ANAPC11: variants seen among roughly 807,000 people sequenced by gnomAD.
ANAPC11 encodes the protein anaphase promoting complex subunit 11, also known as anaphase-promoting complex subunit 11.
A neutral mutation model predicts 11.8 loss-of-function variants in ANAPC11; 5 were observed. The observed-to-expected ratio is 0.42, with a 90% CI of 0.22 to 0.89. The LOEUF (loss-of-function observed/expected upper bound fraction) is 0.89, where lower values mean the gene tolerates loss of function less well. Among genes scored for constraint, ANAPC11 ranks in the 40% least tolerant of loss-of-function variants. ANAPC11 has a pLI of 0.28. For synonymous variants in ANAPC11, 45 were observed against 41.0 expected, an observed-to-expected ratio of 1.10 and a Z score of -0.38; for missense variants, 68 against 112.9, an observed-to-expected ratio of 0.60 and a Z score of 1.80.
At chr17:81,893,034 A>G (rs1489666480) in intron 1 of ANAPC11, 1 of 145,192 alleles carries the variant, frequency 6.9e-6, no homozygotes, top group African/African-American at 2.6e-5. Flanking sequence ...TTTTTGAGAC[A>G]GTCCCACTAT....
intron 1 of ANAPC11, among the ~76,000 whole-genome samples, chr17:81,892,585 C>T (rs1251988578): frequency 7.2e-6 from 1 of 138,600 alleles, no homozygotes; most frequent in Non-Finnish European, 1.5e-5. Context: ...TGCAGTGGGG[C>T]GATCTCGGCT....
intron 3 of ANAPC11, among the ~76,000 whole-genome samples, chr17:81,896,375 T>G (rs2039741793): frequency 6.6e-6 from 1 of 151,908 alleles, no homozygotes; most frequent in African/African-American, 2.4e-5. Flanking sequence ...TGAGCCAAGA[T>G]CGCACCATTG....
Position 81,891,737 on chromosome 17 carries a change from G to A in ANAPC11, c.-179G>A. ...CGGGGAGGCGCGTGCGCACTGGCGTGCGAGACTCGGCGGGCGCTGTTGAGG... is the reference window on the plus strand; with the variant it reads ...CGGGGAGGCGCGTGCGCACTGGCGTACGAGACTCGGCGGGCGCTGTTGAGG... On this transcript the variant is annotated 5_prime_UTR_variant, in exon 1 of 4. Transcript: ENST00000344877. The A allele has an allele frequency of 3.7e-6, 2 of 540,168 alleles. No homozygotes were observed. Among genetic ancestry groups the A allele is most frequent in the South Asian group, 7.0e-5 (2 of 28,666 alleles). The allele number at this position is 540,168 out of a possible 1,614,324, so 33.5% of individuals were successfully genotyped here.
At chr17:81,890,990 G>T, upstream of ANAPC11, 1 of 1,003,982 alleles carries the variant, frequency 1.0e-6, no homozygotes, top group Non-Finnish European at 1.4e-6. Context: ...AGGCCGCACG[G>T]TCCCACCGCG....
rs559611585 is a variant in ANAPC11 at position 81,896,142 on chromosome 17, C to T, written c.109+1556C>T. Among the ~76,000 whole-genome samples, 20 of 152,090 alleles carry T rather than the reference C, an allele frequency of 1.3e-4. No homozygotes were observed. The East Asian group carries it at 3.7e-3, about 28-fold the overall frequency. ...CTACTAAAAATCCAAAAAAATTAGC[C>T]GGGCATGGTGGCAGGTGCCTGTAAT... On this transcript the variant is annotated intron_variant, in intron 3 of 3. Transcript: ENST00000344877.
intron 3 of ANAPC11, among the ~76,000 whole-genome samples, chr17:81,896,057 G>T (rs2039731622): frequency 6.6e-6 from 1 of 152,252 alleles, no homozygotes; most frequent in African/African-American, 2.4e-5. Context: ...GCCAAGGCAG[G>T]CGGATTGCTT....
chr17:81,891,323 C>T, upstream of ANAPC11: 1 of 1,160,850 alleles, frequency 8.6e-7, no homozygotes, highest in African/African-American at 1.6e-5. Flanking sequence ...CCGCACTCAC[C>T]CTGCTGTAGG....
chr17:81,890,834 C>A (rs375325115), upstream of ANAPC11: 6 of 1,614,084 alleles, frequency 3.7e-6, no homozygotes, highest in Admixed American at 1.7e-5. Flanking sequence ...AAAAAAAAAC[C>A]GCAACAAGAG....
Position 81,899,919 on chromosome 17 carries a change from G to A in ANAPC11, c.110-1G>A. 1 of 1,607,350 alleles carries A rather than the reference G, an allele frequency of 6.2e-7. No individual in the cohort carries two copies. The highest frequency in any genetic ancestry group is 8.5e-7 in the Non-Finnish European group (1 of 1,175,532). On this transcript the variant is annotated splice_acceptor_variant, in intron 3 of 3. Transcript: ENST00000344877. LOFTEE classifies it high-confidence loss of function. ...TCCTTTTCCCCACCTCCCCTCCGTA[G>A]GCAAGGTGCCCGGCGACGACTGCCC...
In ANAPC11 at chr17:81,894,519, G is replaced by T; in HGVS notation, c.42G>T (p.Trp14Cys). ...AGTGCTGGAACGGCGTGGCCACTTGGCTCTGGGTGGCCAACGATGAGAACT... is the reference window on the plus strand; with the variant it reads ...AGTGCTGGAACGGCGTGGCCACTTGTCTCTGGGTGGCCAACGATGAGAACT... ...KIKCWNGVAT[W>C]LWVANDENCG... The change falls in exon 3 of 4, where the codon TGG becomes TGT. Residue 14 changes from tryptophan (W) to cysteine (C), a missense_variant. Transcript: ENST00000344877. 1.2e-6 allele frequency: 2 copies of T among 1,613,124 alleles called. No homozygotes were observed. The highest frequency in any genetic ancestry group is 1.7e-6 in the Non-Finnish European group (2 of 1,179,440).
chr17:81,890,829 A>C (rs1197649589), upstream of ANAPC11: 1 of 1,614,010 alleles, frequency 6.2e-7, no homozygotes. Flanking sequence ...GGCTGAAAAA[A>C]AAACCGCAAC....
upstream of ANAPC11, chr17:81,890,940 C>A: frequency 6.9e-7 from 1 of 1,453,784 alleles, no homozygotes; most frequent in South Asian, 1.3e-5. Flanking sequence ...CGAAACGGGG[C>A]CGCCAGCGCT....
upstream of ANAPC11, chr17:81,891,605 G>A: frequency 1.4e-6 from 2 of 1,385,936 alleles, no homozygotes; most frequent in South Asian, 1.3e-5. Context: ...GCGTCAGCAC[G>A]CCGGCACGTC....
intron 3 of ANAPC11, among the ~76,000 whole-genome samples, chr17:81,897,882 C>G (rs2039796224): frequency 1.3e-5 from 2 of 152,322 alleles, no homozygotes; most frequent in South Asian, 4.1e-4. Flanking sequence ...CACAGCCTCC[C>G]AAAGTGCTGG....
At chr17:81,892,542 T>TTTTTTTTTTTTTTTTTTGA (rs1891192296) in intron 1 of ANAPC11, among the ~76,000 whole-genome samples, 2 of 138,696 alleles carry the variant, frequency 1.4e-5, no homozygotes, top group African/African-American at 5.4e-5. Context: ...TTTTTTTTTT[T>TTTTTTTTTTTTTTTTTTGA]GAGGCAGTCT....
At chr17:81,899,811 A>G in intron 3 of ANAPC11, 109 bp from the exon 4 acceptor site, 1 of 1,142,578 alleles carries the variant, frequency 8.8e-7, no homozygotes, top group Non-Finnish European at 1.2e-6. Context: ...GAGAGGCTGC[A>G]GTGCTGGAGC....
chr17:81,900,313 G>A, downstream of ANAPC11: 1 of 581,260 alleles, frequency 1.7e-6, no homozygotes. Context: ...GGTGTGTTTT[G>A]ATATGAAAAC....
intron 3 of ANAPC11, among the ~76,000 whole-genome samples, chr17:81,896,470 A>G (rs1197745850): frequency 6.6e-6 from 1 of 152,210 alleles, no homozygotes; most frequent in Non-Finnish European, 1.5e-5. Flanking sequence ...TTAGGTTGAA[A>G]GCAGAGTTTT....
intron 3 of ANAPC11, chr17:81,899,375 C>A: frequency 3.7e-6 from 6 of 1,613,908 alleles, no homozygotes; most frequent in Non-Finnish European, 5.1e-6. Context: ...ACACCGGATC[C>A]CTGATGTCTA....
Sources: allele counts gnomAD v4.1 joint callset (sites outside exome capture counted in the v4.1 genomes callset), GRCh38; gene constraint gnomAD v4.1.1; transcripts MANE v1.5; gene names NCBI Gene and HGNC (gene_info 2026-07-23, HGNC 2026-07-21).